IMMP2L: variants seen among roughly 807,000 people sequenced by gnomAD.
IMMP2L encodes the protein mitochondrial inner membrane protease subunit 2.
In IMMP2L, 18 loss-of-function variants were observed where a neutral mutation model predicts 19.3. The observed-to-expected ratio is 0.93, with a 90% CI of 0.64 to 1.38. The LOEUF (loss-of-function observed/expected upper bound fraction) is 1.38, where lower values mean the gene tolerates loss of function less well. Ranked by LOEUF, IMMP2L falls within the 40% of genes most tolerant of loss-of-function variation. The pLI is 0.00. For missense variants in IMMP2L, 233 were observed against 218.2 expected (o/e 1.07, Z -0.43); for synonymous variants, 76 against 73.0 (o/e 1.04, Z -0.21).
intron 3 of IMMP2L, among the ~76,000 whole-genome samples, chr7:111,399,103 T>C (rs1208151968): frequency 2.6e-5 from 4 of 152,066 alleles, no homozygotes; most frequent in Non-Finnish European, 5.9e-5. Context: ...ACCACCATTA[T>C]TCTTCTTCAC....
At chr7:110,805,346 G>C (rs1203232960) in intron 5 of IMMP2L, among the ~76,000 whole-genome samples, 2 of 152,008 alleles carry the variant, frequency 1.3e-5, no homozygotes, top group Non-Finnish European at 2.9e-5. Flanking sequence ...CTTATTTATT[G>C]TTAAATTAAC....
chr7:111,344,098 TC>T (rs1023229939), intron 3 of IMMP2L, among the ~76,000 whole-genome samples: 9 of 152,100 alleles, frequency 5.9e-5, no homozygotes, highest in African/African-American at 1.9e-4. Context: ...TCTTGCCCCA[TC>T]CAATTTATTT....
At chr7:110,856,611 T>G (rs943957518) in intron 5 of IMMP2L, among the ~76,000 whole-genome samples, 2 of 152,042 alleles carry the variant, frequency 1.3e-5, no homozygotes, top group Non-Finnish European at 2.9e-5. Flanking sequence ...AGATCTGACA[T>G]GCTCAAATCA....
intron 5 of IMMP2L, among the ~76,000 whole-genome samples, chr7:110,706,400 A>C: frequency 6.6e-6 from 1 of 152,196 alleles, no homozygotes; most frequent in South Asian, 2.1e-4. Context: ...CACTATGTCC[A>C]GCAGTAGTTC....
At chr7:110,880,229 G>C (rs1456166721) in intron 5 of IMMP2L, among the ~76,000 whole-genome samples, 1 of 151,826 alleles carries the variant, frequency 6.6e-6, no homozygotes, top group Admixed American at 6.6e-5. Flanking sequence ...TTCACTACAG[G>C]GTCCATTTAT....
chr7:110,854,517 T>C (rs1806552187), intron 5 of IMMP2L, among the ~76,000 whole-genome samples: 1 of 151,956 alleles, frequency 6.6e-6, no homozygotes. Context: ...GTAATAATAA[T>C]GTAGCTTGGA....
At chr7:111,236,295 G>A (rs1172064286) in intron 3 of IMMP2L, among the ~76,000 whole-genome samples, 2 of 152,004 alleles carry the variant, frequency 1.3e-5, no homozygotes, top group East Asian at 3.9e-4. Flanking sequence ...ACATCCTTGA[G>A]CTTTGTTTGA....
intron 5 of IMMP2L, among the ~76,000 whole-genome samples, chr7:110,827,843 T>C (rs1342466038): frequency 1.3e-5 from 2 of 152,126 alleles, no homozygotes; most frequent in South Asian, 4.1e-4. Context: ...AAGAATATAT[T>C]ATGAAGATGA....
intron 5 of IMMP2L, among the ~76,000 whole-genome samples, chr7:110,862,630 C>T (rs937658067): frequency 6.6e-6 from 1 of 151,702 alleles, no homozygotes; most frequent in Non-Finnish European, 1.5e-5. Flanking sequence ...TAGGTGTGAG[C>T]CACTGTGCTG....
intron 3 of IMMP2L, among the ~76,000 whole-genome samples, chr7:111,078,533 G>T (rs2129576074): frequency 6.6e-6 from 1 of 152,080 alleles, no homozygotes; most frequent in East Asian, 1.9e-4. Context: ...AAATAATAAA[G>T]ATTATTTTTA....
rs960165477 is a variant in IMMP2L, at chr7:111,009,283, T to C, written c.240-45718A>G. 2.6e-5 allele frequency among the ~76,000 whole-genome samples: 4 copies of C among 152,230 alleles called. No homozygotes were observed. In the East Asian group the frequency reaches 7.7e-4, roughly 29 times the overall value. ...AAGCCAAAATGTTCCTATTATTTGG[T>C]AAAAGCTATAATTGCAATGATTTCA... On this transcript the variant is annotated intron_variant, in intron 3 of 5. Transcript: ENST00000405709.
intron 3 of IMMP2L, among the ~76,000 whole-genome samples, chr7:111,165,589 T>A (rs1805728785): frequency 6.6e-6 from 1 of 152,128 alleles, no homozygotes; most frequent in South Asian, 2.1e-4. Flanking sequence ...TATTTTTATC[T>A]ACTTATTTTA....
chr7:110,810,129 T>G (rs1209320365), intron 5 of IMMP2L, among the ~76,000 whole-genome samples: 1 of 152,070 alleles, frequency 6.6e-6, no homozygotes, highest in African/African-American at 2.4e-5. Context: ...ATGTTTTGCT[T>G]ATCCCTTGTT....
chr7:111,488,254 C>T (rs1405978651), intron 2 of IMMP2L, among the ~76,000 whole-genome samples: 1 of 152,082 alleles, frequency 6.6e-6, no homozygotes, highest in Non-Finnish European at 1.5e-5. Context: ...AGTTCTTCAG[C>T]AGTGATTTCT....
chr7:111,057,201 C>A (rs1200776994), intron 3 of IMMP2L, among the ~76,000 whole-genome samples: 1 of 152,170 alleles, frequency 6.6e-6, no homozygotes, highest in Non-Finnish European at 1.5e-5. Context: ...CTGCTTCCCA[C>A]ATTTGATTCA....
intron 4 of IMMP2L, among the ~76,000 whole-genome samples, chr7:110,936,071 C>T (rs1007385191): frequency 2.0e-5 from 3 of 152,008 alleles, no homozygotes; most frequent in East Asian, 1.9e-4. Flanking sequence ...AAGACTTAAA[C>T]GTAAGACCTA....
chr7:111,286,969 T>C (rs1300548192), intron 3 of IMMP2L, among the ~76,000 whole-genome samples: 2 of 152,190 alleles, frequency 1.3e-5, no homozygotes, highest in Non-Finnish European at 2.9e-5. Context: ...AATTAGGCAA[T>C]GTTTCAAGAT....
chr7:111,343,676 T>C (rs543671174), intron 3 of IMMP2L, among the ~76,000 whole-genome samples: 5 of 152,084 alleles, frequency 3.3e-5, no homozygotes, highest in African/African-American at 9.7e-5. Context: ...GTGAAAGATA[T>C]CAATGCCAGC....
intron 1 of IMMP2L, among the ~76,000 whole-genome samples, chr7:111,530,023 C>T (rs546595927): frequency 6.2e-4 from 94 of 152,178 alleles, no homozygotes; most frequent in Non-Finnish European, 1.1e-3. Context: ...AAAAGCAGGC[C>T]CCATCCTATC....
Sources: allele counts gnomAD v4.1 joint callset (sites outside exome capture counted in the v4.1 genomes callset), GRCh38; gene constraint gnomAD v4.1.1; transcripts MANE v1.5; gene names NCBI Gene and HGNC (gene_info 2026-07-23, HGNC 2026-07-21).